The following PAK2 variants were observed in gnomAD, a reference collection of about 807,000 sequenced individuals.
The protein encoded by PAK2 is serine/threonine-protein kinase PAK 2.
In PAK2, 21 loss-of-function variants were observed where a neutral mutation model predicts 65.9. The observed-to-expected ratio is 0.32, with a 90% CI of 0.23 to 0.46. The LOEUF (loss-of-function observed/expected upper bound fraction) is 0.46. PAK2 is among the 20% of genes least tolerant of loss of function. PAK2 has a pLI of 1.00. For missense variants in PAK2, 324 were observed against 642.6 expected, an observed-to-expected ratio of 0.50 and a Z score of 5.36; for synonymous variants, 204 against 219.7, an observed-to-expected ratio of 0.93 and a Z score of 0.63.
chr3:196,769,961 A>G (rs1365402080), intron 1 of PAK2, among the ~76,000 whole-genome samples: 1 of 152,126 alleles, frequency 6.6e-6, no homozygotes, highest in Non-Finnish European at 1.5e-5. Flanking sequence ...TGAAATTAAT[A>G]CAGTGTTTGT....
rs1032217587 is a variant in PAK2, at chr3:196,807,669, A to G, written c.577-113A>G. ...AATAGTGTTCTCATTATTTAGAACA[A>G]TGGAAAAGACTACTTAGTTCAGGTT... On this transcript the variant is annotated intron_variant, in intron 6 of 14. Transcript: ENST00000327134. The G allele has an allele frequency of 4.9e-6, 3 of 611,998 alleles. No homozygotes were observed. The African/African-American group carries it at 5.6e-5, about 11-fold the overall frequency. The allele number at this position is 611,998 out of a possible 1,614,324, so 37.9% of individuals were successfully genotyped here. A position where few individuals can be genotyped will look rare whatever the true frequency, so the allele number is the denominator to read the frequency against.
At chr3:196,806,037 G>A (rs1016659337) in intron 5 of PAK2, among the ~76,000 whole-genome samples, 6 of 151,746 alleles carry the variant, frequency 4.0e-5, no homozygotes, top group East Asian at 3.9e-4. Context: ...TCAGCCTCCC[G>A]AGTAGCTGGG....
chr3:196,768,500 G>GTATT (rs1305123296), intron 1 of PAK2, among the ~76,000 whole-genome samples: 44 of 151,282 alleles, frequency 2.9e-4, no homozygotes, highest in South Asian at 1.0e-3. Flanking sequence ...ATATATGTAT[G>GTATT]TATGTATTTA....
chr3:196,793,819 A>C (rs961048065), intron 2 of PAK2, among the ~76,000 whole-genome samples: 1 of 152,210 alleles, frequency 6.6e-6, no homozygotes, highest in Non-Finnish European at 1.5e-5. Context: ...CAATAGAAAG[A>C]AGAGTGGAAG....
chr3:196,788,408 T>A (rs1714966094), intron 2 of PAK2, among the ~76,000 whole-genome samples: 1 of 152,204 alleles, frequency 6.6e-6, no homozygotes, highest in African/African-American at 2.4e-5. Context: ...AAATAAAGAC[T>A]CTAGGATGTT....
At chr3:196,768,150 C>T (rs1481062382) in intron 1 of PAK2, among the ~76,000 whole-genome samples, 1 of 152,192 alleles carries the variant, frequency 6.6e-6, no homozygotes, top group South Asian at 2.1e-4. Context: ...TAAATCAACA[C>T]GTGGTGGGAC....
intron 1 of PAK2, among the ~76,000 whole-genome samples, chr3:196,769,060 T>C (rs545698738): frequency 1.3e-5 from 2 of 152,170 alleles, no homozygotes; most frequent in African/African-American, 4.8e-5. Flanking sequence ...GGCACTGTAG[T>C]GCACACCTAT....
In PAK2 at chr3:196,820,633, C is replaced by T. The variant is rs897501831; in HGVS notation, c.1350+66C>T. The T allele has an allele frequency of 2.9e-5, 25 of 874,356 alleles. No individual in the cohort carries two copies. Among genetic ancestry groups the T allele is most frequent in the Admixed American group, 1.0e-4 (4 of 39,732 alleles). 54.2% of individuals were successfully genotyped at this position (874,356 alleles called of 1,614,324 possible). ...TTGAAACTCTTATTTAGAACTTGCA[C>T]GTGCCTGGCACTGTCCAAGAATTTA... On this transcript the variant is annotated intron_variant, in intron 13 of 14. Coordinates refer to ENST00000327134, the MANE Select transcript of PAK2 (RefSeq NM_002577.4). The surrounding 1 kb of genome is among the most constrained non-coding windows in gnomAD (Gnocchi z 4.6).
At chr3:196,785,145 A>G (rs1714844655) in intron 2 of PAK2, 1 of 152,218 alleles carries the variant, frequency 6.6e-6, no homozygotes, top group African/African-American at 2.4e-5. Context: ...ATTAAAAACC[A>G]ATGCATTGGT....
At chr3:196,806,307 T>G (rs536966705) in intron 5 of PAK2, among the ~76,000 whole-genome samples, 9 of 152,292 alleles carry the variant, frequency 5.9e-5, no homozygotes, top group Admixed American at 5.9e-4. Flanking sequence ...TTGTTTACTT[T>G]CAGGACATTG....
rs1170776994 is a variant in PAK2 at position 196,812,230 on chromosome 3, C to T, written c.785C>T (p.Thr262Ile). ...TTTTCTCCCTCTAGGGCTTCTGGTA[C>T]AGTTTTCACTGCTACTGACGTTGCA... ...YEKIGQGASG[T>I]VFTATDVALG... Residue 262 changes from threonine (T) to isoleucine (I), a missense_variant, in exon 9 of 15, where the codon ACA (threonine) becomes ATA (isoleucine). Thr to Ile is a moderately conservative substitution (Grantham distance 89). Coordinates refer to ENST00000327134, the MANE Select transcript of PAK2 (RefSeq NM_002577.4). 6.3e-7 allele frequency: 1 copy of T among 1,584,598 alleles called. No homozygotes were observed. The highest frequency in any genetic ancestry group is 8.7e-7 in the Non-Finnish European group (1 of 1,153,484).
intron 1 of PAK2, among the ~76,000 whole-genome samples, chr3:196,769,899 G>A (rs1448902724): frequency 6.6e-6 from 1 of 152,006 alleles, no homozygotes; most frequent in Non-Finnish European, 1.5e-5. Flanking sequence ...CGTCTCTAAT[G>A]ACCTTTATTC....
intron 2 of PAK2, among the ~76,000 whole-genome samples, chr3:196,795,986 A>T (rs981989794): frequency 6.6e-6 from 1 of 152,220 alleles, no homozygotes; most frequent in African/African-American, 2.4e-5. Context: ...CAGACATTAG[A>T]TTCTCATAAG....
At chr3:196,814,710 T>G in intron 11 of PAK2, 142 bp downstream of exon 11, 1 of 590,982 alleles carries the variant, frequency 1.7e-6, no homozygotes, top group South Asian at 2.0e-5. Flanking sequence ...TCCATCTCCG[T>G]GCCATTTCAT....
chr3:196,740,042 T>TTCCCCTTCCC lies in PAK2; in HGVS notation c.-130_-121dup, dbSNP rs1224184772. On this transcript the variant is annotated 5_prime_UTR_variant, in exon 1 of 15. Coordinates refer to ENST00000327134, the MANE Select transcript of PAK2 (RefSeq NM_002577.4). ...AGCGCGGCGTCTCTTCCCGCCCCGC[T>TTCCCCTTCCC]TCCCCTTCCCTCCCCTCCCCTCCCC... 1.3e-5 allele frequency: 2 copies of TTCCCCTTCCC among 149,960 alleles called. No homozygotes were observed. The highest frequency in any genetic ancestry group is 2.2e-4 in the South Asian group (1 of 4,596). 9.3% of individuals were successfully genotyped at this position (149,960 alleles called of 1,614,324 possible). A position where few individuals can be genotyped will look rare whatever the true frequency, so the allele number is the denominator to read the frequency against.
At position 196,782,808 on chromosome 3, in the gene PAK2, C is replaced by T. The variant is rs775545499; in HGVS notation, c.162C>T (p.Ile54=). ...PEEKKPRHKI[I]SIFSGTEKGS... ...AGAAAAAGCCCAGGCATAAAATCAT[C>T]TCCATATTCTCAGGCACAGAGAAAG... The change falls in exon 2 of 15, where the codon ATC becomes ATT. Residue 54 remains isoleucine (I), a synonymous_variant. Coordinates refer to ENST00000327134, the MANE Select transcript of PAK2 (RefSeq NM_002577.4). The T allele has an allele frequency of 6.2e-6, 10 of 1,611,846 alleles. No individual in the cohort carries two copies. In the South Asian group the frequency reaches 9.9e-5, roughly 16 times the overall value.
chr3:196,770,087 C>T (rs908747305), intron 1 of PAK2, among the ~76,000 whole-genome samples: 1 of 151,864 alleles, frequency 6.6e-6, no homozygotes, highest in Non-Finnish European at 1.5e-5. Flanking sequence ...GAGACCTTGT[C>T]TCTGCTAAAA....
intron 2 of PAK2, among the ~76,000 whole-genome samples, chr3:196,790,562 C>T (rs754903125): frequency 1.1e-4 from 16 of 152,114 alleles, no homozygotes; most frequent in Non-Finnish European, 2.1e-4. Flanking sequence ...TTTTATGAAA[C>T]ATGAACAGAT....
At chr3:196,803,274 G>A (rs1167532589) in intron 4 of PAK2, 110 bp downstream of exon 4, 8 of 874,714 alleles carry the variant, frequency 9.1e-6, no homozygotes, top group Non-Finnish European at 1.4e-5. Flanking sequence ...TGTTGATAAC[G>A]GTTTTTCCCT....
Sources: gnomAD v4.1 joint callset for allele counts (sites outside exome capture counted in the v4.1 genomes callset) on GRCh38, gnomAD v4.1.1 for gene constraint, Gnocchi (gnomAD v3.1) non-coding constraint, MANE v1.5 for transcripts, NCBI Gene and HGNC (gene_info 2026-07-23, HGNC 2026-07-21) for gene names.